TEX2: variants seen among roughly 807,000 people sequenced by gnomAD.
TEX2 encodes testis expressed 2.
In TEX2, 53 loss-of-function variants were observed where a neutral mutation model predicts 106.9. That is an observed-to-expected ratio of 0.50 (90% CI 0.40 to 0.62). The LOEUF (loss-of-function observed/expected upper bound fraction) is 0.62, where lower values mean the gene tolerates loss of function less well. Among genes scored for constraint, TEX2 ranks in the 20% least tolerant of loss-of-function variants. The pLI is 0.00. For missense variants in TEX2, 1,207 were observed against 1,379.0 expected, an observed-to-expected ratio of 0.88 and a Z score of 1.98; for synonymous variants, 523 against 534.8, an observed-to-expected ratio of 0.98 and a Z score of 0.30.
At chr17:64,166,756 A>C (rs550610710) in intron 7 of TEX2, among the ~76,000 whole-genome samples, 1 of 152,232 alleles carries the variant, frequency 6.6e-6, no homozygotes, top group Non-Finnish European at 1.5e-5. Flanking sequence ...TTTTTCCCAC[A>C]ATGAGTATTT....
intron 1 of TEX2, among the ~76,000 whole-genome samples, chr17:64,228,283 A>C (rs2033561214): frequency 6.6e-6 from 1 of 152,204 alleles, no homozygotes; most frequent in South Asian, 2.1e-4. Context: ...CACGGACCAG[A>C]GGCAGCGGGG....
chr17:64,164,180 G>A (rs559303011), intron 7 of TEX2, among the ~76,000 whole-genome samples: 7 of 152,178 alleles, frequency 4.6e-5, no homozygotes, highest in African/African-American at 1.7e-4. Context: ...TCTCACGCCT[G>A]TAATCCCAGC....
chr17:64,223,874 C>T (rs1598201832), intron 1 of TEX2, among the ~76,000 whole-genome samples: 4 of 152,132 alleles, frequency 2.6e-5, no homozygotes, highest in South Asian at 2.1e-4. Flanking sequence ...TGCCACAACA[C>T]CTGACTAATG....
At chr17:64,179,454 A>G (rs1024316550) in intron 5 of TEX2, among the ~76,000 whole-genome samples, 2 of 152,186 alleles carry the variant, frequency 1.3e-5, no homozygotes, top group Admixed American at 6.5e-5. Context: ...GCCCTTACAC[A>G]GTGTGGAAGC....
rs1168130648 is a variant in TEX2 at position 64,170,640 on chromosome 17, T to TTTTTC, written c.2671+459_2671+460insGAAAA. On this transcript the variant is annotated intron_variant, in intron 7 of 11. Transcript: ENST00000584379. ...TCCAAATCTTTTTTTTTTTTTTTTT[T>TTTTTC]TTTTTTTGTGAGACAGAGTCTCGCT... 2.9e-5 allele frequency among the ~76,000 whole-genome samples: 4 copies of TTTTTC among 137,512 alleles called. 1 individual carries two copies. In the East Asian group the frequency reaches 8.6e-4, roughly 29 times the overall value. The allele number at this position is 137,512 out of a possible 152,430, so 90.2% of individuals were successfully genotyped here.
chr17:64,166,572 C>A (rs2031149996), intron 7 of TEX2, among the ~76,000 whole-genome samples: 2 of 152,244 alleles, frequency 1.3e-5, no homozygotes. Context: ...CCTTTCAAGT[C>A]TTCCCAGTTC....
Position 64,200,159 on chromosome 17 carries a change from A to G in TEX2, c.1645-5064T>C, listed in dbSNP as rs370853952. 2.6e-4 allele frequency among the ~76,000 whole-genome samples: 40 copies of G among 152,340 alleles called. No homozygotes were observed. In the East Asian group the frequency reaches 7.1e-3, roughly 27 times the overall value. ...AAACTCATAGTTCTATAGGAAAATT[A>G]AGATAATTAATAGACAAACATATCA... On this transcript the variant is annotated intron_variant, in intron 2 of 11. Coordinates refer to ENST00000584379, the MANE Select transcript of TEX2 (RefSeq NM_001288732.2).
At chr17:64,248,551 T>G (rs1483610729) in intron 1 of TEX2, among the ~76,000 whole-genome samples, 5 of 152,204 alleles carry the variant, frequency 3.3e-5, no homozygotes, top group African/African-American at 9.6e-5. Context: ...ATTAAATAAA[T>G]GCAGGTATAG....
intron 1 of TEX2, among the ~76,000 whole-genome samples, chr17:64,214,646 T>C (rs2033132326): frequency 6.6e-6 from 1 of 152,206 alleles, no homozygotes; most frequent in African/African-American, 2.4e-5. Flanking sequence ...TTGAGGATCT[T>C]GGAACAAAAA....
chr17:64,212,515 T>G, intron 2 of TEX2, 59 bp downstream of exon 2: 1 of 1,463,042 alleles, frequency 6.8e-7, no homozygotes, highest in Non-Finnish European at 9.3e-7. Context: ...AAGTCAGATC[T>G]AAAATACGGC....
intron 2 of TEX2, among the ~76,000 whole-genome samples, chr17:64,202,284 C>A (rs2032693354): frequency 6.6e-6 from 1 of 152,060 alleles, no homozygotes; most frequent in African/African-American, 2.4e-5. Context: ...GAGAGGATCA[C>A]AGGAGTTGCT....
chr17:64,255,167 TA>T (rs1158652670), intron 1 of TEX2, among the ~76,000 whole-genome samples: 166 of 144,866 alleles, frequency 1.1e-3, no homozygotes, highest in South Asian at 1.5e-3. Context: ...ACCTGGCCTT[TA>T]AAAAAAAAAA....
At chr17:64,202,073 T>C (rs929433636) in intron 2 of TEX2, among the ~76,000 whole-genome samples, 8 of 147,774 alleles carry the variant, frequency 5.4e-5, no homozygotes, top group Admixed American at 1.4e-4. Flanking sequence ...GTCACTCTTC[T>C]AAAAAAGAAA....
chr17:64,185,421 G>A lies in TEX2; in HGVS notation c.2424+2747C>T, dbSNP rs1255082479. On this transcript the variant is annotated intron_variant, in intron 5 of 11. Transcript: ENST00000584379. This position sits in a 1 kb window ranked among gnomAD's most constrained non-coding sequence, Gnocchi z 4.0. ...TCTCTCTTCCTGATGTACCCATGCT[G>A]GAAGTGGTACCATTGCACTTTCAGA... 2.0e-5 allele frequency among the ~76,000 whole-genome samples: 3 copies of A among 152,104 alleles called. No individual in the cohort carries two copies. The highest frequency in any genetic ancestry group is 7.2e-5 in the African/African-American group (3 of 41,430).
intron 8 of TEX2, chr17:64,155,848 A>T (rs1200534263): frequency 6.6e-6 from 1 of 152,244 alleles, no homozygotes; most frequent in Non-Finnish European, 1.5e-5. Flanking sequence ...GCCTATAGAA[A>T]GCAGCTTCCT....
chr17:64,196,877 C>T (rs1409673231), intron 2 of TEX2, among the ~76,000 whole-genome samples: 1 of 151,736 alleles, frequency 6.6e-6, no homozygotes, highest in Non-Finnish European at 1.5e-5. Context: ...ACGGATTCTA[C>T]ACATCTCTTC....
At chr17:64,193,383 C>A (rs4968702) in intron 4 of TEX2, among the ~76,000 whole-genome samples, 176 bp downstream of exon 4, 2 of 152,126 alleles carry the variant, frequency 1.3e-5, no homozygotes, top group African/African-American at 4.8e-5. Context: ...TTGGGACAGA[C>A]GGCTGCAGTG....
Position 64,177,475 on chromosome 17 carries a change from G to C in TEX2, c.2425-4C>G. 1 of 1,610,636 alleles carries C rather than the reference G, an allele frequency of 6.2e-7. No individual in the cohort carries two copies. Among genetic ancestry groups the C allele is most frequent in the Non-Finnish European group, 8.5e-7 (1 of 1,179,130 alleles). Reference sequence around the variant, plus strand: ...CAGAGGGTGGAACCTCTGGCAACTGGCAAAAGAAAAGGGACCAAAATTAGC... The same window carrying C: ...CAGAGGGTGGAACCTCTGGCAACTGCCAAAAGAAAAGGGACCAAAATTAGC... On this transcript the variant is annotated splice_region_variant and splice_polypyrimidine_tract_variant and intron_variant, in intron 5 of 11. Transcript: ENST00000584379.
Position 64,212,757 on chromosome 17 carries a change from G to A in TEX2, c.1461C>T (p.Leu487=). Residue 487 remains leucine, a synonymous_variant, in exon 2 of 12, where the codon CTC becomes CTT. Transcript: ENST00000584379. ...GFFIMCVYVY[L]ILPLPHYVSG... ...TCACATAGTGGGGGAGGGGGAGGAT[G>A]AGGTACACATAGACACACATTATAA... is the stretch of plus-strand genomic sequence containing the variant. The A allele has an allele frequency of 6.2e-7, 1 of 1,614,218 alleles. No individual in the cohort carries two copies. The highest frequency in any genetic ancestry group is 2.2e-5 in the East Asian group (1 of 44,892).
Sources: allele counts gnomAD v4.1 joint callset (sites outside exome capture counted in the v4.1 genomes callset), GRCh38; gene constraint gnomAD v4.1.1; non-coding constraint Gnocchi (gnomAD v3.1); transcripts MANE v1.5; gene names NCBI Gene and HGNC (gene_info 2026-07-23, HGNC 2026-07-21).